The following LRPPRC variants were observed in gnomAD, a reference collection of about 807,000 sequenced individuals.
LRPPRC encodes leucine rich pentatricopeptide repeat containing.
A neutral mutation model predicts 180.3 loss-of-function variants in LRPPRC; 120 were observed. The ratio of observed to expected loss-of-function variants is 0.67; its 90% confidence interval spans 0.57 to 0.77. The LOEUF (loss-of-function observed/expected upper bound fraction) is 0.77, where lower values mean the gene tolerates loss of function less well. Ranked by LOEUF, LRPPRC falls within the 30% of genes least tolerant of loss-of-function variation. LRPPRC has a pLI of 0.00. For synonymous variants in LRPPRC, 723 were observed against 600.0 expected (o/e 1.21, Z -3.00); for missense variants, 2,012 against 1,657.2 (o/e 1.21, Z -3.72).
In LRPPRC at chr2:43,905,687, C is replaced by T; in HGVS notation, c.3364+5G>A. ...GTGACGTAAAGGTCAAGCATTGTGA[C>T]ATACCTTTCAAATAATCCCGCCTAA... On this transcript the variant is annotated splice_donor_5th_base_variant and intron_variant, in intron 31 of 37. Coordinates refer to ENST00000260665, the MANE Select transcript of LRPPRC (RefSeq NM_133259.4). 6.2e-7 allele frequency: 1 copy of T among 1,604,308 alleles called. No homozygotes were observed. The highest frequency in any genetic ancestry group is 8.5e-7 in the Non-Finnish European group (1 of 1,171,022).
intron 14 of LRPPRC, among the ~76,000 whole-genome samples, chr2:43,955,952 T>C (rs1287094048): frequency 1.3e-5 from 2 of 152,226 alleles, no homozygotes; most frequent in Non-Finnish European, 2.9e-5. Flanking sequence ...GATCAAACTT[T>C]GGTGGTGGCA....
intron 15 of LRPPRC, 22 bp downstream of exon 15, chr2:43,950,551 T>C (rs1387411244): frequency 6.2e-7 from 1 of 1,601,680 alleles, no homozygotes; most frequent in African/African-American, 1.3e-5. Flanking sequence ...ACCTTATGAT[T>C]TGCAATATTA....
In LRPPRC at chr2:43,949,584, T is replaced by A. The variant is rs759366691; in HGVS notation, c.1735+18A>T. Reference sequence around the variant, plus strand: ...TGGATTTGTGGATAAGTTACAATCATCGAAATTGAAACGCTACCCGTCGGT... The same window carrying A: ...TGGATTTGTGGATAAGTTACAATCAACGAAATTGAAACGCTACCCGTCGGT... On this transcript the variant is annotated intron_variant, in intron 16 of 37. Coordinates refer to ENST00000260665, the MANE Select transcript of LRPPRC (RefSeq NM_133259.4). 6.2e-7 allele frequency: 1 copy of A among 1,604,762 alleles called. No individual in the cohort carries two copies. Among genetic ancestry groups the A allele is most frequent in the Non-Finnish European group, 8.5e-7 (1 of 1,171,672 alleles).
chr2:43,889,068 G>A (rs1250247174), intron 37 of LRPPRC, among the ~76,000 whole-genome samples: 1 of 152,092 alleles, frequency 6.6e-6, no homozygotes, highest in African/African-American at 2.4e-5. Context: ...TGTAATCCCG[G>A]CACTTTGGGA....
chr2:43,906,368 G>A (rs1238070092), intron 30 of LRPPRC, among the ~76,000 whole-genome samples: 2 of 152,012 alleles, frequency 1.3e-5, no homozygotes, highest in African/African-American at 4.8e-5. Context: ...CAACCATCTT[G>A]CCCTAGCTTA....
intron 29 of LRPPRC, among the ~76,000 whole-genome samples, chr2:43,915,063 A>T (rs1273979344): frequency 2.7e-5 from 1 of 37,136 alleles, no homozygotes; most frequent in Non-Finnish European, 4.1e-5. Flanking sequence ...CAAAAAAAAA[A>T]AAAAAAAAAA....
Position 43,988,236 on chromosome 2 carries a change from C to CA in LRPPRC, c.150-5803dup, listed in dbSNP as rs35197756. Reference sequence around the variant, plus strand: ...AGCCTGGGAGACAGAGACTCTGTCTCAAAAAAAAAAAAAAAAAAAGCTGGA... The same window carrying CA: ...AGCCTGGGAGACAGAGACTCTGTCTCAAAAAAAAAAAAAAAAAAAAGCTGGA... On this transcript the variant is annotated intron_variant, in intron 1 of 37. Coordinates refer to ENST00000260665, the MANE Select transcript of LRPPRC (RefSeq NM_133259.4). Among the ~76,000 whole-genome samples, 287 of 95,654 alleles carry CA rather than the reference C, an allele frequency of 3.0e-3. 6 individuals are homozygous for CA. The East Asian group carries it at 0.049, about 16-fold the overall frequency. 62.8% of individuals were successfully genotyped at this position (95,654 alleles called of 152,430 possible).
At chr2:43,977,457 G>C (rs577483343) in intron 3 of LRPPRC, among the ~76,000 whole-genome samples, 181 bp from the exon 4 acceptor site, 2 of 152,142 alleles carry the variant, frequency 1.3e-5, no homozygotes, top group Non-Finnish European at 2.9e-5. Flanking sequence ...AAGCATGTAA[G>C]ACAGTAATTA....
At chr2:43,991,645 C>G (rs1674786727) in intron 1 of LRPPRC, among the ~76,000 whole-genome samples, 1 of 152,098 alleles carries the variant, frequency 6.6e-6, no homozygotes, top group Non-Finnish European at 1.5e-5. Context: ...TCAAAGAGAA[C>G]AGAGTAAAAG....
At chr2:43,894,244 G>A (rs749077154) in intron 36 of LRPPRC, among the ~76,000 whole-genome samples, 1 of 152,150 alleles carries the variant, frequency 6.6e-6, no homozygotes, top group African/African-American at 2.4e-5. Flanking sequence ...AGTCCAAGAG[G>A]ATTTCCAGGT....
At chr2:43,976,581 C>T (rs377097863) in intron 5 of LRPPRC, among the ~76,000 whole-genome samples, 40 of 151,542 alleles carry the variant, frequency 2.6e-4, no homozygotes, top group African/African-American at 9.2e-4. Flanking sequence ...TTTTCCAAAC[C>T]TTCCATTCAT....
At position 43,945,365 on chromosome 2, in the gene LRPPRC, C is replaced by A. The variant is rs761057779; in HGVS notation, c.2263G>T (p.Val755Leu). 7.4e-6 allele frequency: 12 copies of A among 1,612,482 alleles called. No individual in the cohort carries two copies. The highest frequency in any genetic ancestry group is 1.0e-5 in the Non-Finnish European group (12 of 1,178,802). ...TTGCCATGCTTTGCCAATACTCTTA[C>A]AAGGCCTACATACTTGCCGGTGTCA... ...VLDTGKYVGL[V>L]RVLAKHGKLQ... Residue 755 changes from valine to leucine, a missense_variant, in exon 22 of 38, where the codon GTA becomes TTA. Transcript: ENST00000260665.
intron 14 of LRPPRC, among the ~76,000 whole-genome samples, chr2:43,956,307 T>C (rs1454437245): frequency 1.3e-5 from 2 of 152,082 alleles, no homozygotes. Context: ...AGTGGGAAAA[T>C]CTGAACATGG....
chr2:43,891,175 C>G (rs1572885109), intron 36 of LRPPRC, among the ~76,000 whole-genome samples: 1 of 152,204 alleles, frequency 6.6e-6, no homozygotes, highest in East Asian at 1.9e-4. Flanking sequence ...CCTTTAAGGG[C>G]TCAAGCTCTA....
intron 37 of LRPPRC, among the ~76,000 whole-genome samples, 164 bp downstream of exon 37, chr2:43,889,570 G>C (rs977911320): frequency 6.7e-6 from 1 of 149,368 alleles, no homozygotes; most frequent in African/African-American, 2.6e-5. Flanking sequence ...TCCGACTGCC[G>C]CAGCCAAGGC....
rs1356885187 is a variant in LRPPRC, at chr2:43,982,247, A to C, written c.337T>G (p.Cys113Gly). Residue 113 changes from cysteine (C) to glycine (G), a missense_variant, in exon 2 of 38, where the codon TGC becomes GGC. Cys to Gly is a radical substitution (Grantham distance 159, BLOSUM62 -3). Transcript: ENST00000260665. ...GGAAATTTTGAAATACCTGAGCGGC[A>C]GGTATCATTAAAAACTTTTTGTAGA... Reference protein sequence around the residue: ...KLLQKVFNDTCRSGGLGGSHA... With the variant: ...KLLQKVFNDTGRSGGLGGSHA... 1 of 1,569,152 alleles carries C rather than the reference A, an allele frequency of 6.4e-7. No individual in the cohort carries two copies. The highest frequency in any genetic ancestry group is 1.2e-5 in the South Asian group (1 of 83,310).
chr2:43,909,990 C>T (rs1426964006), intron 30 of LRPPRC, among the ~76,000 whole-genome samples: 1 of 152,172 alleles, frequency 6.6e-6, no homozygotes, highest in African/African-American at 2.4e-5. Context: ...TCCACAGATA[C>T]ATACACACAC....
chr2:43,896,903 G>A (rs1670706554), intron 34 of LRPPRC, among the ~76,000 whole-genome samples, 195 bp from the exon 35 acceptor site: 2 of 152,170 alleles, frequency 1.3e-5, no homozygotes, highest in Admixed American at 1.3e-4. Flanking sequence ...TTTGGTGAAT[G>A]CTGTCCTTGG....
At chr2:43,972,325 T>A (rs1208026134) in intron 11 of LRPPRC, among the ~76,000 whole-genome samples, 1 of 152,194 alleles carries the variant, frequency 6.6e-6, no homozygotes. Context: ...TTTCTACTAT[T>A]TCAACTGCTA....
Sources: gnomAD v4.1 joint callset for allele counts (sites outside exome capture counted in the v4.1 genomes callset) on GRCh38, gnomAD v4.1.1 for gene constraint, MANE v1.5 for transcripts, NCBI Gene and HGNC (gene_info 2026-07-23, HGNC 2026-07-21) for gene names.